The following NUMA1 variants were observed in gnomAD, a reference collection of about 807,000 sequenced individuals.
The protein encoded by NUMA1 is nuclear mitotic apparatus protein 1.
NUMA1 carries 62 observed loss-of-function variants against 237.1 expected under a neutral mutation model. The observed-to-expected ratio is 0.26, with a 90% CI of 0.21 to 0.32. The LOEUF is 0.32. Ranked by LOEUF, NUMA1 falls within the 10% of genes least tolerant of loss-of-function variation. NUMA1 has a pLI of 1.00. For synonymous variants in NUMA1, 1,028 were observed against 1,066.1 expected (o/e 0.96, Z 0.70); for missense variants, 2,533 against 2,666.5 (o/e 0.95, Z 1.10).
intron 23 of NUMA1, 71 bp downstream of exon 23, chr11:72,005,162 G>T: frequency 6.8e-7 from 1 of 1,471,230 alleles, no homozygotes. Context: ...TAGTGCTCAG[G>T]CTAGATCAGC....
Position 72,003,931 on chromosome 11 carries a change from CGGCGCTGGCTGTGGT to C in NUMA1, c.6277_6291del (p.Thr2093_Ala2097del). The C allele has an allele frequency of 6.2e-7, 1 of 1,613,166 alleles. No individual in the cohort carries two copies. Among genetic ancestry groups the C allele is most frequent in the Non-Finnish European group, 8.5e-7 (1 of 1,179,708 alleles). Reference sequence around the variant, plus strand: ...GTGGCACCAATGGCGGCAGCAGTGGCGGCGCTGGCTGTGGTGGTGGCAATGCGCGGAGAACGGCGG... The same window carrying C: ...GTGGCACCAATGGCGGCAGCAGTGGCGGTGGCAATGCGCGGAGAACGGCGG... On this transcript the variant is annotated inframe_deletion, in exon 26 of 27. Transcript: ENST00000393695.
chr11:72,078,587 G>A (rs1037574973), intron 1 of NUMA1, among the ~76,000 whole-genome samples: 3 of 152,198 alleles, frequency 2.0e-5, no homozygotes, highest in Admixed American at 2.0e-4. Context: ...AGAATTCTAC[G>A]TTTCTTAACG....
chr11:72,012,566 GT>G, intron 15 of NUMA1, 124 bp from the exon 16 acceptor site: 1 of 946,602 alleles, frequency 1.1e-6, no homozygotes, highest in Non-Finnish European at 1.6e-6. Flanking sequence ...TTGACAGTAA[GT>G]TTAAAAATGC....
chr11:72,032,716 A>C (rs2135603452), intron 3 of NUMA1, among the ~76,000 whole-genome samples: 1 of 152,388 alleles, frequency 6.6e-6, no homozygotes, highest in Non-Finnish European at 1.5e-5. Context: ...CAGGCTCACC[A>C]CATAACTCAA....
In NUMA1 at chr11:72,018,872, A is replaced by T; in HGVS notation, c.693T>A (p.Asp231Glu). ...KQLADERSNR[D>E]ELELELAENR... is the part of the protein sequence containing the mutation. ...TCTCAGCTAGCTCCAGCTCCAGCTC[A>T]TCCCTATTACTTCTCTCATCAGCAA... Residue 231 changes from aspartate to glutamate, a missense_variant, in exon 10 of 27, where the codon GAT (aspartate) becomes GAA (glutamate). Transcript: ENST00000393695. 1 of 1,613,572 alleles carries T rather than the reference A, an allele frequency of 6.2e-7. No homozygotes were observed. The highest frequency in any genetic ancestry group is 8.5e-7 in the Non-Finnish European group (1 of 1,179,966).
In NUMA1 at chr11:72,035,897, C is replaced by T. The variant is rs1320569590; in HGVS notation, c.42+5G>A. ...TAGCCAACAAAAGAGAGGAAGACTA[C>T]TTACCCAAGAGAGGAGTGCAGCCCC... On this transcript the variant is annotated splice_donor_5th_base_variant and intron_variant, in intron 3 of 26. Coordinates refer to ENST00000393695, the MANE Select transcript of NUMA1 (RefSeq NM_006185.4). 1.9e-6 allele frequency: 3 copies of T among 1,613,872 alleles called. No individual in the cohort carries two copies. Among genetic ancestry groups the T allele is most frequent in the Non-Finnish European group, 2.5e-6 (3 of 1,179,900 alleles).
At chr11:72,069,520 A>G (rs1943352554) in intron 2 of NUMA1, among the ~76,000 whole-genome samples, 1 of 152,328 alleles carries the variant, frequency 6.6e-6, no homozygotes. Context: ...AGTAGCAGAG[A>G]AATGATGGCT....
chr11:72,051,708 G>C (rs544726714), intron 2 of NUMA1, among the ~76,000 whole-genome samples: 4 of 152,270 alleles, frequency 2.6e-5, no homozygotes, highest in South Asian at 4.1e-4. Flanking sequence ...GAGCTCAAGC[G>C]ATCAGCCCAC....
rs746207031 is a variant in NUMA1 at position 72,003,904 on chromosome 11, G to A, written c.6319C>T (p.Pro2107Ser). 6.2e-7 allele frequency: 1 copy of A among 1,613,750 alleles called. No individual in the cohort carries two copies. Among genetic ancestry groups the A allele is most frequent in the South Asian group, 1.1e-5 (1 of 91,080 alleles). Residue 2107 changes from proline (P) to serine (S), a missense_variant, in exon 26 of 27, where the codon CCT becomes TCT. Physicochemically the swap from Pro to Ser is moderately conservative, Grantham distance 74 (BLOSUM62 -1). Transcript: ENST00000393695. ...AATAAAIGAT[P>S]RAKGKAKH Reference sequence around the variant, plus strand: ...GCCTCTACCTTGCCCTTGGCTCGAGGGGTGGCACCAATGGCGGCAGCAGTG... The same window carrying A: ...GCCTCTACCTTGCCCTTGGCTCGAGAGGTGGCACCAATGGCGGCAGCAGTG...
chr11:72,013,161 C>T lies in NUMA1; in HGVS notation c.4342G>A (p.Ala1448Thr), dbSNP rs775280081. 1.2e-6 allele frequency: 2 copies of T among 1,613,904 alleles called. No individual in the cohort carries two copies. Among genetic ancestry groups the T allele is most frequent in the Admixed American group, 1.7e-5 (1 of 60,034 alleles). Residue 1448 changes from alanine to threonine, a missense_variant, in exon 15 of 27, where the codon GCA becomes ACA. Ala to Thr is a moderately conservative substitution (Grantham distance 58). Transcript: ENST00000393695. This position sits in a 1 kb window ranked among gnomAD's most constrained non-coding sequence, Gnocchi z 6.8. ...SMLKKAHGLLAEENRGLGERA... is the reference protein window; with the variant it reads ...SMLKKAHGLLTEENRGLGERA... ...TCACCCAGCCCCCGGTTCTCCTCTGCCAGCAGGCCATGCGCCTTCTTCAGC... is the reference window on the plus strand; with the variant it reads ...TCACCCAGCCCCCGGTTCTCCTCTGTCAGCAGGCCATGCGCCTTCTTCAGC...
In NUMA1 at chr11:72,007,191, T is replaced by C. The variant is rs1955784165; in HGVS notation, c.5461A>G (p.Lys1821Glu). 2 of 1,607,992 alleles carry C rather than the reference T, an allele frequency of 1.2e-6. No individual in the cohort carries two copies. Among genetic ancestry groups the C allele is most frequent in the Non-Finnish European group, 1.7e-6 (2 of 1,179,866 alleles). The change falls in exon 21 of 27, where the codon AAG becomes GAG. Residue 1821 changes from lysine (K) to glutamate (E), a missense_variant and splice_region_variant. Physicochemically the swap from Lys to Glu is moderately conservative, Grantham distance 56 (BLOSUM62 1). This residue lies in a region of NUMA1 where 795 missense variants were observed against 750.8 expected (regional missense o/e 1.06). Coordinates refer to ENST00000393695, the MANE Select transcript of NUMA1 (RefSeq NM_006185.4). ...TTQIINITMT[K>E]KLDVEEPDSA... ...AGCCCCTGTCCCAGCAGCCTGACCTTGGTCATGGTGATGTTGATGATCTGC... is the reference window on the plus strand; with the variant it reads ...AGCCCCTGTCCCAGCAGCCTGACCTCGGTCATGGTGATGTTGATGATCTGC...
intron 2 of NUMA1, among the ~76,000 whole-genome samples, chr11:72,059,695 T>C (rs1235851591): frequency 6.6e-6 from 1 of 152,352 alleles, no homozygotes; most frequent in East Asian, 1.9e-4. Context: ...GAATGCTGTA[T>C]TGATAACACT....
intron 4 of NUMA1, among the ~76,000 whole-genome samples, chr11:72,025,884 C>T (rs1939514526): frequency 1.3e-5 from 2 of 152,200 alleles, no homozygotes; most frequent in African/African-American, 2.4e-5. Context: ...CCCAAATGAG[C>T]CATTTTCCCT....
chr11:72,047,293 C>T (rs1051530839), intron 2 of NUMA1, among the ~76,000 whole-genome samples: 2 of 151,974 alleles, frequency 1.3e-5, no homozygotes, highest in Non-Finnish European at 2.9e-5. Flanking sequence ...TCAAGACCAG[C>T]CTGGGTAACA....
intron 4 of NUMA1, among the ~76,000 whole-genome samples, chr11:72,027,086 T>C (rs184785684): frequency 2.0e-5 from 3 of 152,306 alleles, no homozygotes; most frequent in Admixed American, 1.3e-4. Flanking sequence ...ACACACATCC[T>C]TACTCTTGGG....
intron 3 of NUMA1, among the ~76,000 whole-genome samples, chr11:72,031,360 A>G (rs890499414): frequency 6.6e-6 from 1 of 152,204 alleles, no homozygotes; most frequent in Non-Finnish European, 1.5e-5. Flanking sequence ...TAAAATTAAA[A>G]TAATGAAGTA....
chr11:72,036,057 G>T, intron 2 of NUMA1, 82 bp from the exon 3 acceptor site: 7 of 1,099,398 alleles, frequency 6.4e-6, no homozygotes, highest in Non-Finnish European at 9.7e-6. Flanking sequence ...GGTTCAATTT[G>T]CCAATTCTCA....
chr11:72,004,610 G>T, intron 24 of NUMA1, 30 bp downstream of exon 24: 1 of 1,604,460 alleles, frequency 6.2e-7, no homozygotes, highest in South Asian at 1.1e-5. Flanking sequence ...GCACAGTGCT[G>T]GAGTAACACC....
At chr11:72,027,339 T>C (rs1939712446) in intron 4 of NUMA1, among the ~76,000 whole-genome samples, 1 of 151,954 alleles carries the variant, frequency 6.6e-6, no homozygotes, top group South Asian at 2.1e-4. Flanking sequence ...TTCCTTAGGG[T>C]TTGCAAAATA....
Sources: gnomAD v4.1 joint callset for allele counts (sites outside exome capture counted in the v4.1 genomes callset) on GRCh38, gnomAD v4.1.1 for gene constraint, gnomAD v4.1.1 regional missense constraint, Gnocchi (gnomAD v3.1) non-coding constraint, MANE v1.5 for transcripts, NCBI Gene and HGNC (gene_info 2026-07-23, HGNC 2026-07-21) for gene names.